Variants in DGKB observed in about 807,000 individuals in gnomAD.
DGKB encodes diacylglycerol kinase beta.
In DGKB, 67 loss-of-function variants were observed where a neutral mutation model predicts 114.3. That is an observed-to-expected ratio of 0.59 (90% CI 0.48 to 0.72). The LOEUF (loss-of-function observed/expected upper bound fraction) is 0.72, where lower values mean the gene tolerates loss of function less well. DGKB is among the 30% of genes least tolerant of loss of function. The pLI is 0.00. For synonymous variants in DGKB, 398 were observed against 323.1 expected (o/e 1.23, Z -2.49); for missense variants, 907 against 975.2 (o/e 0.93, Z 0.93).
chr7:14,188,641 C>T (rs1334139188), intron 23 of DGKB, among the ~76,000 whole-genome samples: 1 of 103,096 alleles, frequency 9.7e-6, no homozygotes, highest in Non-Finnish European at 1.7e-5. Context: ...GCCTGGGCGA[C>T]AAAGCGAGAC....
At chr7:14,705,023 G>A (rs1825943634) in intron 6 of DGKB, among the ~76,000 whole-genome samples, 1 of 150,236 alleles carries the variant, frequency 6.7e-6, no homozygotes, top group Non-Finnish European at 1.5e-5. Flanking sequence ...ATTACTCTGA[G>A]CTACGGGAGG....
chr7:14,361,854 C>A (rs1377986178), intron 21 of DGKB, among the ~76,000 whole-genome samples: 1 of 151,950 alleles, frequency 6.6e-6, no homozygotes, highest in East Asian at 1.9e-4. Flanking sequence ...AGCCAAATCA[C>A]CCTTTTTTCC....
At chr7:14,840,523 A>C (rs752230138) in intron 2 of DGKB, among the ~76,000 whole-genome samples, 11 of 152,186 alleles carry the variant, frequency 7.2e-5, no homozygotes, top group Non-Finnish European at 1.3e-4. Flanking sequence ...CAAAGAAACA[A>C]TATTTTCTTT....
In DGKB at chr7:14,901,446, C is replaced by T. The variant is rs189190521; in HGVS notation, c.-188+1146G>A. Among the ~76,000 whole-genome samples the T allele has an allele frequency of 2.4e-3, 366 of 152,266 alleles. 1 individual carries two copies. Among genetic ancestry groups the T allele is most frequent in the African/African-American group, 8.1e-3 (337 of 41,556 alleles). On this transcript the variant is annotated intron_variant, in intron 1 of 25. Transcript: ENST00000402815. ...TATGGAATATATGCTAGCCTATGGA[C>T]GTATCCAGATTAAAATCTTACATTC...
intron 17 of DGKB, among the ~76,000 whole-genome samples, chr7:14,588,100 A>G (rs114462843): frequency 1.2e-3 from 183 of 152,192 alleles, no homozygotes; most frequent in African/African-American, 4.4e-3. Flanking sequence ...TGTACAATGG[A>G]TGTGCTCTAT....
At chr7:14,906,566 G>A (rs1023759637), upstream of DGKB, among the ~76,000 whole-genome samples, 2 of 146,486 alleles carry the variant, frequency 1.4e-5, no homozygotes, top group African/African-American at 5.0e-5. Context: ...CGATTCTCCT[G>A]CCTCAGCCTC....
intron 23 of DGKB, among the ~76,000 whole-genome samples, chr7:14,234,262 G>A (rs1249654341): frequency 6.6e-6 from 1 of 151,832 alleles, no homozygotes; most frequent in African/African-American, 2.4e-5. Context: ...ATTGACCAAG[G>A]AATGAAGTAT....
chr7:14,473,669 G>T (rs1214830184), intron 21 of DGKB, among the ~76,000 whole-genome samples: 1 of 152,130 alleles, frequency 6.6e-6, no homozygotes, highest in African/African-American at 2.4e-5. Flanking sequence ...CAGCCAGGAT[G>T]GGGGACTATA....
intron 20 of DGKB, among the ~76,000 whole-genome samples, chr7:14,544,191 T>C (rs1247069912): frequency 2.0e-5 from 3 of 152,170 alleles, no homozygotes; most frequent in Non-Finnish European, 4.4e-5. Flanking sequence ...GTTGTCATTG[T>C]TCTGTTTATA....
chr7:14,537,649 T>G (rs1381478479), intron 20 of DGKB, among the ~76,000 whole-genome samples: 1 of 152,272 alleles, frequency 6.6e-6, no homozygotes, highest in South Asian at 2.1e-4. Flanking sequence ...ATTAAAGACT[T>G]AAATGCACAA....
chr7:14,521,382 G>C (rs1272173162), intron 20 of DGKB, among the ~76,000 whole-genome samples: 1 of 152,066 alleles, frequency 6.6e-6, no homozygotes, highest in Non-Finnish European at 1.5e-5. Flanking sequence ...TCTTTCCACA[G>C]TTTGACTCAG....
intron 21 of DGKB, among the ~76,000 whole-genome samples, chr7:14,415,841 G>T (rs1022210720): frequency 4.6e-5 from 7 of 152,200 alleles, no homozygotes; most frequent in Admixed American, 3.3e-4. Context: ...CTGAGGAATC[G>T]CCACACTGAC....
At chr7:14,781,165 T>C (rs1839030092) in intron 2 of DGKB, among the ~76,000 whole-genome samples, 3 of 152,228 alleles carry the variant, frequency 2.0e-5, no homozygotes, top group African/African-American at 4.8e-5. Context: ...TCCCTTAAGA[T>C]GTGTGGTTGA....
At chr7:14,489,170 GTC>G (rs1784263029) in intron 20 of DGKB, among the ~76,000 whole-genome samples, 1 of 152,006 alleles carries the variant, frequency 6.6e-6, no homozygotes, top group Admixed American at 6.6e-5. Context: ...GTGTGTTTTG[GTC>G]TCCCTCTAAT....
chr7:14,213,718 C>A (rs1047348125), intron 23 of DGKB, among the ~76,000 whole-genome samples: 2 of 152,088 alleles, frequency 1.3e-5, no homozygotes, highest in African/African-American at 4.8e-5. Flanking sequence ...TGTTATTGCT[C>A]TGAGTAATAA....
chr7:14,151,291 A>T (rs1203895447), intron 25 of DGKB, among the ~76,000 whole-genome samples: 1 of 152,036 alleles, frequency 6.6e-6, no homozygotes, highest in Non-Finnish European at 1.5e-5. Context: ...TGTTAAGACT[A>T]TGAAAGAAAT....
intron 14 of DGKB, among the ~76,000 whole-genome samples, chr7:14,627,459 G>A (rs1042393619): frequency 1.3e-5 from 2 of 152,090 alleles, no homozygotes; most frequent in African/African-American, 2.4e-5. Flanking sequence ...CAAGATTTCT[G>A]TTAAGGAAAT....
intron 4 of DGKB, among the ~76,000 whole-genome samples, chr7:14,748,283 T>C (rs983029346): frequency 5.3e-5 from 8 of 152,124 alleles, no homozygotes; most frequent in Non-Finnish European, 1.2e-4. Context: ...CAATCTACAA[T>C]GTCTAATGGT....
intron 21 of DGKB, among the ~76,000 whole-genome samples, chr7:14,365,130 G>T (rs568130349): frequency 6.6e-6 from 1 of 150,496 alleles, no homozygotes; most frequent in African/African-American, 2.4e-5. Flanking sequence ...AATTTTTATC[G>T]CCTCCACAGT....
Sources: allele counts gnomAD v4.1 joint callset (sites outside exome capture counted in the v4.1 genomes callset), GRCh38; gene constraint gnomAD v4.1.1; transcripts MANE v1.5; gene names NCBI Gene and HGNC (gene_info 2026-07-23, HGNC 2026-07-21).